Variants in CALN1 observed in about 807,000 individuals in gnomAD.
CALN1 encodes the protein calneuron 1, also known as calcium-binding protein 8.
Under a neutral mutation model 30.6 loss-of-function variants are expected in CALN1, and 17 were observed. The ratio of observed to expected loss-of-function variants is 0.56; its 90% CI spans 0.38 to 0.83. CALN1 has a LOEUF of 0.83. Among genes scored for constraint, CALN1 ranks in the 40% least tolerant of loss-of-function variants. CALN1 has a pLI of 0.00. For missense variants in CALN1, 291 were observed against 354.9 expected, an observed-to-expected ratio of 0.82 and a Z score of 1.45; for synonymous variants, 156 against 131.4, an observed-to-expected ratio of 1.19 and a Z score of -1.28.
At chr7:72,046,879 T>C (rs560376821) in intron 4 of CALN1, among the ~76,000 whole-genome samples, 17 of 151,580 alleles carry the variant, frequency 1.1e-4, no homozygotes, top group Admixed American at 2.6e-4. Context: ...AATACAAAAA[T>C]CTAGCAAAAC....
At chr7:72,021,579 T>C (rs138169727) in intron 5 of CALN1, among the ~76,000 whole-genome samples, 1 of 152,298 alleles carries the variant, frequency 6.6e-6, no homozygotes, top group Non-Finnish European at 1.5e-5. Flanking sequence ...GGAGATGTTC[T>C]GGATCCTAAC....
chr7:72,145,160 C>A (rs1786603759), intron 3 of CALN1, among the ~76,000 whole-genome samples: 1 of 151,958 alleles, frequency 6.6e-6, no homozygotes, highest in Admixed American at 6.6e-5. Context: ...GAAAACCCTT[C>A]AAAAAATCAA....
At chr7:72,085,094 C>T (rs4719207) in intron 4 of CALN1, among the ~76,000 whole-genome samples, 34,571 of 152,026 alleles carry the variant, frequency 0.23, 3,976 homozygotes, top group Admixed American at 0.29. Flanking sequence ...TTCTGACTTA[C>T]GGTCAGAAGG....
At chr7:72,280,923 A>C (rs1308526153) in intron 2 of CALN1, among the ~76,000 whole-genome samples, 1 of 152,122 alleles carries the variant, frequency 6.6e-6, no homozygotes, top group African/African-American at 2.4e-5. Context: ...CAGGTGGATC[A>C]CCTGAGGTCA....
chr7:72,365,620 C>T (rs1331882527), intron 2 of CALN1, among the ~76,000 whole-genome samples: 1 of 152,020 alleles, frequency 6.6e-6, no homozygotes, highest in African/African-American at 2.4e-5. Context: ...TTTGTAGACA[C>T]AGGGTCTTGC....
intron 3 of CALN1, among the ~76,000 whole-genome samples, chr7:72,126,185 G>T (rs1018059541): frequency 6.6e-6 from 1 of 152,058 alleles, no homozygotes; most frequent in Non-Finnish European, 1.5e-5. Context: ...TTCCATTCCT[G>T]AGTTGCTTCA....
intron 2 of CALN1, among the ~76,000 whole-genome samples, chr7:72,352,231 G>A (rs2944812): frequency 0.98 from 148,866 of 151,406 alleles, 73,222 homozygotes; most frequent in Middle Eastern, 1. Flanking sequence ...TCTACTAAAA[G>A]TACCAAAATT....
At chr7:71,821,705 AT>A (rs957903340) in intron 5 of CALN1, among the ~76,000 whole-genome samples, 3 of 151,882 alleles carry the variant, frequency 2.0e-5, no homozygotes, top group African/African-American at 7.3e-5. Context: ...TGCTTTGTTA[AT>A]GTCTTTTGGA....
intron 3 of CALN1, among the ~76,000 whole-genome samples, chr7:72,265,769 G>T (rs1458016189): frequency 6.6e-6 from 1 of 151,962 alleles, no homozygotes; most frequent in African/African-American, 2.4e-5. Context: ...CTCATGCAGG[G>T]TTCTTAGAAA....
At chr7:71,978,110 C>A (rs1458804235) in intron 5 of CALN1, among the ~76,000 whole-genome samples, 4 of 151,696 alleles carry the variant, frequency 2.6e-5, no homozygotes, top group African/African-American at 9.7e-5. Context: ...GCTTCCCCAC[C>A]ATAAGAGTCT....
chr7:72,165,624 A>T (rs568028504), intron 3 of CALN1, among the ~76,000 whole-genome samples: 1 of 152,092 alleles, frequency 6.6e-6, no homozygotes, highest in Non-Finnish European at 1.5e-5. Context: ...GCAAACAAAG[A>T]AAAGCGAAAA....
At chr7:71,918,465 G>T (rs142528915) in intron 5 of CALN1, among the ~76,000 whole-genome samples, 20 of 152,308 alleles carry the variant, frequency 1.3e-4, no homozygotes, top group South Asian at 4.1e-4. Flanking sequence ...CCCTTGTAGG[G>T]TTTCTGATGA....
chr7:72,316,828 C>A (rs1282511815), intron 2 of CALN1, among the ~76,000 whole-genome samples: 1 of 151,710 alleles, frequency 6.6e-6, no homozygotes, highest in Non-Finnish European at 1.5e-5. Flanking sequence ...GCGTGTAGTC[C>A]CAGCTATTCT....
At chr7:72,072,304 A>G (rs1804453153) in intron 4 of CALN1, among the ~76,000 whole-genome samples, 1 of 152,206 alleles carries the variant, frequency 6.6e-6, no homozygotes, top group South Asian at 2.1e-4. Context: ...CCCCAACATG[A>G]GTATGAGCAG....
chr7:72,211,287 T>C (rs1365415254), intron 3 of CALN1, among the ~76,000 whole-genome samples: 1 of 152,098 alleles, frequency 6.6e-6, no homozygotes, highest in African/African-American at 2.4e-5. Context: ...CTCAAACCCA[T>C]TACTCTGTTG....
intron 5 of CALN1, among the ~76,000 whole-genome samples, chr7:71,971,989 G>GAAAGAAA (rs1797858287): frequency 4.1e-5 from 4 of 96,996 alleles, no homozygotes; most frequent in African/African-American, 1.1e-4. Flanking sequence ...AAGAAAGAAA[G>GAAAGAAA]AAAGAGAAAG....
At chr7:72,415,569 G>A (rs140835554), upstream of CALN1, among the ~76,000 whole-genome samples, 1,407 of 152,302 alleles carry the variant, frequency 9.2e-3, 12 homozygotes, top group African/African-American at 0.032. Context: ...AAAACACTTT[G>A]GGAGAAAACC....
intron 2 of CALN1, among the ~76,000 whole-genome samples, chr7:72,348,959 C>A (rs1432192590): frequency 1.3e-5 from 2 of 151,464 alleles, no homozygotes; most frequent in Non-Finnish European, 2.9e-5. Flanking sequence ...GGCTTTCGAG[C>A]AGCTATTAGG....
chr7:72,238,995 T>C (rs951484995), intron 3 of CALN1, among the ~76,000 whole-genome samples: 3 of 152,208 alleles, frequency 2.0e-5, no homozygotes, highest in African/African-American at 7.2e-5. Flanking sequence ...CCTCAGACTC[T>C]TGCCCCACCT....
Sources: allele counts gnomAD v4.1 joint callset (sites outside exome capture counted in the v4.1 genomes callset), GRCh38; gene constraint gnomAD v4.1.1; transcripts MANE v1.5; gene names NCBI Gene and HGNC (gene_info 2026-07-23, HGNC 2026-07-21).